C1S: variants seen among roughly 807,000 people sequenced by gnomAD.
C1S encodes complement C1s subcomponent.
In C1S, 31 loss-of-function variants were observed where a neutral mutation model predicts 54.0. The observed-to-expected ratio is 0.57, with a 90% CI of 0.43 to 0.78. The LOEUF is 0.78. Among genes scored for constraint, C1S ranks in the 30% least tolerant of loss-of-function variants. C1S has a pLI of 0.00. For missense variants in C1S, 727 were observed against 851.8 expected, an observed-to-expected ratio of 0.85 and a Z score of 1.82; for synonymous variants, 292 against 303.6, an observed-to-expected ratio of 0.96 and a Z score of 0.40.
chr12:7,070,815 T>C lies in C1S; in HGVS notation c.*164T>C, dbSNP rs956459387. ...CCTTGCTAGAGGTAGAGTTTGATCA[T>C]AGAATTGTGCTGGTCATACATTTGT... On this transcript the variant is annotated 3_prime_UTR_variant, in exon 12 of 12. Coordinates refer to ENST00000360817, the MANE Select transcript of C1S (RefSeq NM_001734.5). This position sits in a 1 kb window ranked among gnomAD's most constrained non-coding sequence, Gnocchi z 4.9. 7.2e-6 allele frequency: 5 copies of C among 695,712 alleles called. No homozygotes were observed. The highest frequency in any genetic ancestry group is 2.7e-5 in the East Asian group (1 of 36,904). The allele number at this position is 695,712 out of a possible 1,614,324, so 43.1% of individuals were successfully genotyped here.
chr12:7,066,674 G>C, intron 8 of C1S, 41 bp downstream of exon 8: 2 of 1,179,928 alleles, frequency 1.7e-6, no homozygotes, highest in South Asian at 1.2e-5. Flanking sequence ...CCTGGCCCCA[G>C]ATCAGGATGA....
Position 7,062,285 on chromosome 12 carries a change from A to T in C1S, c.6-190A>T. On this transcript the variant is annotated intron_variant, in intron 2 of 11. Transcript: ENST00000360817. ...GAACCTGTCTCAAAAAAAAAAAAAA[A>T]AGGGCTCTTGTCTGAAGCCTGGGTT... is the stretch of plus-strand genomic sequence containing the variant. The T allele has an allele frequency of 5.1e-6, 3 of 582,532 alleles. No homozygotes were observed. The East Asian group carries it at 8.9e-5, about 17-fold the overall frequency. 36.1% of individuals were successfully genotyped at this position (582,532 alleles called of 1,614,324 possible).
intron 4 of C1S, chr12:7,063,440 C>T (rs1947126871): frequency 2.3e-6 from 1 of 443,942 alleles, no homozygotes; most frequent in Non-Finnish European, 4.6e-6. Context: ...AAGTTAATAA[C>T]TTGCCAAGAA....
At chr12:7,067,936 G>A in intron 10 of C1S, 165 bp downstream of exon 10, 1 of 768,394 alleles carries the variant, frequency 1.3e-6, no homozygotes, top group Non-Finnish European at 2.2e-6. Context: ...ATCTGGAGCA[G>A]GGCAAGTTCA....
chr12:7,068,447 C>CTAT lies in C1S; in HGVS notation c.1196-7_1196-5dup, dbSNP rs782014412. On this transcript the variant is annotated splice_polypyrimidine_tract_variant and intron_variant, in intron 10 of 11. Coordinates refer to ENST00000360817, the MANE Select transcript of C1S (RefSeq NM_001734.5). The stretch of plus-strand genomic sequence containing the variant: ...GTGAGTGTGGCCTGTGTTCTCTGTG[C>CTAT]TATTCCAGGGGAGTATCACTGTGCT... The CTAT allele has an allele frequency of 1.2e-6, 2 of 1,605,832 alleles. No individual in the cohort carries two copies. Among genetic ancestry groups the CTAT allele is most frequent in the Non-Finnish European group, 1.7e-6 (2 of 1,172,402 alleles).
chr12:7,064,178 C>A (rs1947139167), intron 4 of C1S, 89 bp from the exon 5 acceptor site: 3 of 1,424,462 alleles, frequency 2.1e-6, no homozygotes, highest in Non-Finnish European at 3.0e-6. Flanking sequence ...GCCTTTCCTA[C>A]TTTTTCTTAC....
At position 7,067,674 on chromosome 12, in the gene C1S, G is replaced by A. The variant is rs782555327; in HGVS notation, c.1098G>A (p.Glu366=). 6 of 1,614,092 alleles carry A rather than the reference G, an allele frequency of 3.7e-6. No individual in the cohort carries two copies. Among genetic ancestry groups the A allele is most frequent in the Middle Eastern group, 1.7e-4 (1 of 6,044 alleles). ...ACTGTGGCATTCCTGAATCCATTGA[G>A]AATGGTAAAGTTGAAGACCCAGAGA... ...PVDCGIPESI[E]NGKVEDPEST... is the part of the protein sequence containing the mutation. Residue 366 remains glutamate, a synonymous_variant, in exon 10 of 12, where the codon GAG becomes GAA. Coordinates refer to ENST00000360817, the MANE Select transcript of C1S (RefSeq NM_001734.5).
intron 4 of C1S, chr12:7,063,388 A>G (rs1024048094): frequency 2.1e-6 from 1 of 478,342 alleles, no homozygotes; most frequent in Non-Finnish European, 4.1e-6. Context: ...CAAGGTAGGT[A>G]TTATTTGCTC....
chr12:7,065,817 TTTG>T lies in C1S; in HGVS notation c.722_724del (p.Val241del), dbSNP rs782502651. 1 of 1,612,420 alleles carries T rather than the reference TTTG, an allele frequency of 6.2e-7. No individual in the cohort carries two copies. The highest frequency in any genetic ancestry group is 8.5e-7 in the Non-Finnish European group (1 of 1,179,672). ...CTTCTGATTTCATCATTTTGTTCAG[TTTG>T]TTGCAGGAGATCGGCAATTTGGTCC... On this transcript the variant is annotated inframe_deletion and splice_region_variant, in exon 7 of 12. Coordinates refer to ENST00000360817, the MANE Select transcript of C1S (RefSeq NM_001734.5).
Position 7,062,569 on chromosome 12 carries a change from A to G in C1S, c.100A>G (p.Ser34Gly), listed in dbSNP as rs148105120. Reference protein sequence around the residue: ...LSPNYPQAYPSEVEKSWDIEV... With the variant: ...LSPNYPQAYPGEVEKSWDIEV... ...CCCTAACTATCCTCAGGCATATCCC[A>G]GTGAGGTAGAGAAATCTTGGGACAT... Residue 34 changes from serine (S) to glycine (G), a missense_variant, in exon 3 of 12, where the codon AGT becomes GGT. Physicochemically the swap from Ser to Gly is moderately conservative, Grantham distance 56 (BLOSUM62 0). Around this residue, in one of 3 missense-constraint regions of C1S, gnomAD observed 357 missense variants for 365.4 expected, o/e 0.98. Transcript: ENST00000360817. The G allele has an allele frequency of 4.7e-4, 759 of 1,613,802 alleles. No homozygotes were observed. Among genetic ancestry groups the G allele is most frequent in the Non-Finnish European group, 5.8e-4 (687 of 1,179,692 alleles).
intron 7 of C1S, 102 bp from the exon 8 acceptor site, chr12:7,066,416 C>A: frequency 1.3e-6 from 1 of 763,824 alleles, no homozygotes; most frequent in Non-Finnish European, 2.4e-6. Context: ...GGATTGAGGA[C>A]AACTGGACGA....
intron 1 of C1S, chr12:7,061,580 G>T: frequency 2.4e-6 from 1 of 421,582 alleles, no homozygotes; most frequent in Non-Finnish European, 4.5e-6. Flanking sequence ...CTGGGAGAAA[G>T]TACTCGATTC....
chr12:7,066,638 A>T lies in C1S; in HGVS notation c.987+5A>T. ...GATGGGTTTGAAGTTGTGGAGGTAA[A>T]GTACCACCTTGGCTTCTCCCCAGTC... On this transcript the variant is annotated splice_donor_5th_base_variant and intron_variant, in intron 8 of 11. Coordinates refer to ENST00000360817, the MANE Select transcript of C1S (RefSeq NM_001734.5). The T allele has an allele frequency of 1.3e-6, 2 of 1,543,038 alleles. No individual in the cohort carries two copies. Among genetic ancestry groups the T allele is most frequent in the Non-Finnish European group, 1.8e-6 (2 of 1,114,960 alleles).
At chr12:7,067,146 T>C (rs782214906) in intron 9 of C1S, 29 bp downstream of exon 9, 1 of 1,361,282 alleles carries the variant, frequency 7.3e-7, no homozygotes. Flanking sequence ...TGGAAGTCTT[T>C]CTTTTTCTCT....
In C1S at chr12:7,061,884, A is replaced by G. The variant is rs1555161319; in HGVS notation, c.-29A>G. On this transcript the variant is annotated 5_prime_UTR_variant, in exon 2 of 12. Transcript: ENST00000360817. ...AGAAAGCCAGGACCAAGAGACAGGC[A>G]GCTCACCAGGGTGGACAAATCGCCA... 6.2e-7 allele frequency: 1 copy of G among 1,613,936 alleles called. No individual in the cohort carries two copies. Among genetic ancestry groups the G allele is most frequent in the Non-Finnish European group, 8.5e-7 (1 of 1,179,858 alleles).
chr12:7,063,162 C>A, intron 4 of C1S, 95 bp downstream of exon 4: 1 of 1,210,970 alleles, frequency 8.3e-7, no homozygotes, highest in Non-Finnish European at 1.2e-6. Context: ...GGATTCTGTT[C>A]GTAATTCTTA....
chr12:7,063,091 G>A, intron 4 of C1S, 24 bp downstream of exon 4: 2 of 1,602,914 alleles, frequency 1.2e-6, no homozygotes, highest in South Asian at 2.2e-5. Context: ...TTCTGCATGT[G>A]CCTTATTGAC....
Position 7,070,949 on chromosome 12 carries a change from C to T in C1S, c.*298C>T. 1 of 389,628 alleles carries T rather than the reference C, an allele frequency of 2.6e-6. No homozygotes were observed. The highest frequency in any genetic ancestry group is 4.1e-5 in the Admixed American group (1 of 24,556). 24.1% of individuals were successfully genotyped at this position (389,628 alleles called of 1,614,324 possible). On this transcript the variant is annotated 3_prime_UTR_variant, in exon 12 of 12. Coordinates refer to ENST00000360817, the MANE Select transcript of C1S (RefSeq NM_001734.5). The surrounding 1 kb of genome is among the most constrained non-coding windows in gnomAD (Gnocchi z 4.9). Reference sequence around the variant, plus strand: ...ACAGGGATACCTTAATTCTTTGTTTCCTCTTTACCTGTTCAAAATTCCATT... The same window carrying T: ...ACAGGGATACCTTAATTCTTTGTTTTCTCTTTACCTGTTCAAAATTCCATT...
At chr12:7,063,141 A>G (rs1947122372) in intron 4 of C1S, 74 bp downstream of exon 4, 4 of 1,325,792 alleles carry the variant, frequency 3.0e-6, no homozygotes, top group Non-Finnish European at 1.1e-6. Flanking sequence ...ACTGAGCAAC[A>G]CATTGAATGA....
Sources: allele counts gnomAD v4.1 joint callset, GRCh38; gene constraint gnomAD v4.1.1; regional missense constraint gnomAD v4.1.1; non-coding constraint Gnocchi (gnomAD v3.1); transcripts MANE v1.5; gene names NCBI Gene and HGNC (gene_info 2026-07-23, HGNC 2026-07-21).